Variants in SNTG2 observed in about 807,000 individuals in gnomAD.
The protein encoded by SNTG2 is gamma-2-syntrophin.
A neutral mutation model predicts 70.9 loss-of-function variants in SNTG2; 74 were observed. The ratio of observed to expected loss-of-function variants is 1.04; its 90% CI spans 0.86 to 1.27. The LOEUF is 1.27. Among genes scored for constraint, SNTG2 ranks in the 50% most tolerant of loss-of-function variants. The pLI, the probability that SNTG2 is intolerant of heterozygous loss-of-function variation, is 0.00. For synonymous variants in SNTG2, 278 were observed against 273.8 expected (o/e 1.02, Z -0.15); for missense variants, 717 against 690.7 (o/e 1.04, Z -0.43).
At chr2:1,007,408 C>T (rs762321924) in intron 1 of SNTG2, among the ~76,000 whole-genome samples, 1 of 152,148 alleles carries the variant, frequency 6.6e-6, no homozygotes, top group African/African-American at 2.4e-5. Flanking sequence ...ACATTTAGAC[C>T]TGACTTGCCC....
intron 1 of SNTG2, among the ~76,000 whole-genome samples, chr2:1,016,529 C>T (rs574422172): frequency 6.9e-6 from 1 of 144,928 alleles, no homozygotes; most frequent in South Asian, 2.1e-4. Context: ...GCGTGAGCCA[C>T]CACGCCCGGC....
intron 1 of SNTG2, among the ~76,000 whole-genome samples, chr2:955,889 A>G (rs1376408736): frequency 6.6e-6 from 1 of 152,150 alleles, no homozygotes; most frequent in East Asian, 1.9e-4. Context: ...CTCCTTTTAG[A>G]AGCTGGTGCC....
intron 1 of SNTG2, among the ~76,000 whole-genome samples, chr2:1,034,918 C>G (rs1437827194): frequency 6.6e-6 from 1 of 152,210 alleles, no homozygotes; most frequent in Non-Finnish European, 1.5e-5. Flanking sequence ...GAATATTCTT[C>G]TCATCACCAC....
At chr2:1,160,783 ACAGC>A (rs1209376407) in intron 6 of SNTG2, 1 of 152,346 alleles carries the variant, frequency 6.6e-6, no homozygotes, top group Non-Finnish European at 1.5e-5. Flanking sequence ...ACGCAAGGAC[ACAGC>A]CAGAAGGCCA....
chr2:1,007,700 A>G (rs566424152), intron 1 of SNTG2, among the ~76,000 whole-genome samples: 9 of 152,222 alleles, frequency 5.9e-5, no homozygotes, highest in Non-Finnish European at 1.3e-4. Context: ...GTCTATAGAA[A>G]AAGATGCACA....
chr2:1,228,026 C>T (rs77415758), intron 9 of SNTG2, among the ~76,000 whole-genome samples: 1,866 of 152,278 alleles, frequency 0.012, 29 homozygotes, highest in African/African-American at 0.042. Context: ...GTGTCCAGGC[C>T]TTTCTGCGAC....
chr2:1,155,423 C>T (rs1009447959), intron 6 of SNTG2, among the ~76,000 whole-genome samples: 8 of 152,210 alleles, frequency 5.3e-5, no homozygotes, highest in Non-Finnish European at 7.4e-5. Context: ...ATCACACACA[C>T]GTGTACACAC....
chr2:1,168,012 A>ACAG (rs1670853430), intron 7 of SNTG2, among the ~76,000 whole-genome samples: 1 of 132,508 alleles, frequency 7.5e-6, no homozygotes, highest in Admixed American at 7.4e-5. Context: ...GGCAGAACTG[A>ACAG]AGCCTAGAAG....
At chr2:1,162,264 A>G (rs1267486592) in intron 6 of SNTG2, among the ~76,000 whole-genome samples, 1 of 152,044 alleles carries the variant, frequency 6.6e-6, no homozygotes, top group Non-Finnish European at 1.5e-5. Flanking sequence ...GAATAGACTC[A>G]CTTACCTCGG....
intron 16 of SNTG2, among the ~76,000 whole-genome samples, chr2:1,328,641 C>G (rs1307693774): frequency 1.3e-5 from 2 of 152,104 alleles, no homozygotes; most frequent in Non-Finnish European, 1.5e-5. Context: ...TTCCAAAAAG[C>G]TAATAAAGTT....
intron 4 of SNTG2, among the ~76,000 whole-genome samples, chr2:1,120,113 A>G (rs575827970): frequency 6.6e-6 from 1 of 152,310 alleles, no homozygotes; most frequent in Non-Finnish European, 1.5e-5. Flanking sequence ...CAACAAGAAA[A>G]TGAGAAAATG....
chr2:1,081,803 A>C (rs1664316234), intron 1 of SNTG2, among the ~76,000 whole-genome samples: 1 of 152,258 alleles, frequency 6.6e-6, no homozygotes, highest in African/African-American at 2.4e-5. Flanking sequence ...CAGTGCCCAC[A>C]GGGATGGGAA....
At chr2:1,104,709 G>C (rs75936458) in intron 4 of SNTG2, among the ~76,000 whole-genome samples, 1,530 of 152,292 alleles carry the variant, frequency 0.01, 22 homozygotes, top group African/African-American at 0.035. Context: ...AGGAGGGGCC[G>C]TGTGTGCTGT....
At chr2:966,877 G>A (rs887842435) in intron 1 of SNTG2, among the ~76,000 whole-genome samples, 32 of 152,144 alleles carry the variant, frequency 2.1e-4, no homozygotes, top group Middle Eastern at 6.3e-3. Context: ...AACCTGGGAG[G>A]TGGGGGTTGC....
chr2:1,165,443 A>C lies in SNTG2; in HGVS notation c.412-105A>C, dbSNP rs1455143243. The C allele has an allele frequency of 6.4e-6, 7 of 1,100,046 alleles. No individual in the cohort carries two copies. The South Asian group carries it at 1.0e-4, about 16-fold the overall frequency. The allele number at this position is 1,100,046 out of a possible 1,614,324, so 68.1% of individuals were successfully genotyped here. ...TTCCGTGTTTCAGAGGTAACTATGA[A>C]CTTTGAATTCTTGGGAAACAGGAGA... is the stretch of plus-strand genomic sequence containing the variant. On this transcript the variant is annotated intron_variant, in intron 6 of 16. Coordinates refer to ENST00000308624, the MANE Select transcript of SNTG2 (RefSeq NM_018968.4).
chr2:1,188,286 A>G (rs1672369011), intron 8 of SNTG2, among the ~76,000 whole-genome samples: 1 of 152,228 alleles, frequency 6.6e-6, no homozygotes, highest in African/African-American at 2.4e-5. Flanking sequence ...GAAAAAGAAG[A>G]AATTACAAAA....
At chr2:1,227,497 T>G (rs919171982) in intron 9 of SNTG2, among the ~76,000 whole-genome samples, 23 of 152,214 alleles carry the variant, frequency 1.5e-4, no homozygotes, top group African/African-American at 5.5e-4. Flanking sequence ...ATTGTTGGTG[T>G]GGGAGGGAGA....
intron 4 of SNTG2, among the ~76,000 whole-genome samples, chr2:1,119,851 A>G (rs189259216): frequency 6.6e-6 from 1 of 152,318 alleles, no homozygotes; most frequent in East Asian, 1.9e-4. Context: ...TACAAATAAG[A>G]AAATAAGAGA....
chr2:1,358,248 GA>G (rs757052778), intron 16 of SNTG2, among the ~76,000 whole-genome samples: 3 of 152,090 alleles, frequency 2.0e-5, no homozygotes, highest in Non-Finnish European at 4.4e-5. Flanking sequence ...AACTTTGGGT[GA>G]ACAAAACATT....
Sources: allele counts gnomAD v4.1 joint callset (sites outside exome capture counted in the v4.1 genomes callset), GRCh38; gene constraint gnomAD v4.1.1; transcripts MANE v1.5; gene names NCBI Gene and HGNC (gene_info 2026-07-23, HGNC 2026-07-21).